Variants in LINC00632 observed in about 807,000 individuals in gnomAD.
LINC00632 encodes ALDOA related specific transcript.
chrX:140,723,903 A>G, intron 2 of LINC00632, among the ~76,000 whole-genome samples: 1 of 85,437 alleles, frequency 1.2e-5, no homozygotes, highest in South Asian at 5.4e-4. Flanking sequence ...CTCCATACAC[A>G]CACATTGCAT....
Position 140,742,839 on chromosome X carries a change from TAGAGAGAGAGAGAGAGAGAGAG to T in LINC00632, n.191+8894_191+8915del. ...GGTAAGGCCTTATGGTAGAAGGTGA[TAGAGAGAGAGAGAGAGAGAGAG>T]AGAGAGAGAGAGAGAGAGGAAGGAA... On this transcript the variant is annotated intron_variant and non_coding_transcript_variant, in intron 3 of 4. Transcript: ENST00000648200. Among the ~76,000 whole-genome samples the T allele has an allele frequency of 4.3e-5, 2 of 46,910 alleles. 1 individual carries two copies. The highest frequency in any genetic ancestry group is 3.2e-3 in the South Asian group (2 of 632). 40.7% of individuals were successfully genotyped at this position (46,910 alleles called of 115,157 possible).
At chrX:140,779,319 G>A (rs1456775996) in exon 5 of LINC00632, among the ~76,000 whole-genome samples, 1 of 111,974 alleles carries the variant, frequency 8.9e-6, no homozygotes, top group Non-Finnish European at 1.9e-5. Context: ...AATATGTTAG[G>A]AAACTTGTAT....
At chrX:140,789,605 C>T (rs1389080494) in exon 5 of LINC00632, among the ~76,000 whole-genome samples, 2 of 112,102 alleles carry the variant, frequency 1.8e-5, no homozygotes, top group South Asian at 3.6e-4. Context: ...AATTGCCCTC[C>T]TGGCATGCTG....
intron 2 of LINC00632, among the ~76,000 whole-genome samples, chrX:140,717,216 C>T (rs1957874881): frequency 9.0e-6 from 1 of 110,574 alleles, no homozygotes; most frequent in Admixed American, 9.7e-5. Flanking sequence ...CTCCTGACCC[C>T]GTGATCCACC....
intron 3 of LINC00632, among the ~76,000 whole-genome samples, chrX:140,748,973 ATAAG>A (rs1383992080): frequency 2.8e-5 from 3 of 109,083 alleles, no homozygotes; most frequent in East Asian, 2.8e-4. Context: ...AATAATAAGT[ATAAG>A]TAACTTTTTA....
At chrX:140,725,055 TACAC>T (rs766686316) in intron 2 of LINC00632, among the ~76,000 whole-genome samples, 8 of 71,068 alleles carry the variant, frequency 1.1e-4, no homozygotes, top group South Asian at 6.6e-4. Context: ...AATCATTCCA[TACAC>T]ACACAGACAC....
At chrX:140,726,481 C>A (rs992944265) in intron 2 of LINC00632, among the ~76,000 whole-genome samples, 30 of 111,841 alleles carry the variant, frequency 2.7e-4, no homozygotes, top group African/African-American at 9.7e-4. Context: ...CATAAACCCA[C>A]CCCAGAACAC....
intron 2 of LINC00632, among the ~76,000 whole-genome samples, chrX:140,721,398 G>A (rs1048503741): frequency 9.0e-6 from 1 of 111,538 alleles, no homozygotes; most frequent in Non-Finnish European, 1.9e-5. Context: ...GACTGGGGGT[G>A]AGGTGGGAGG....
chrX:140,788,913 ATGTGTG>A lies in LINC00632; in HGVS notation n.16948_16953del, dbSNP rs72149065. ...TACACATATATGTGTATATATATAT[ATGTGTG>A]TGTGTGTGTGTGTGTTTTATAGGGT... On this transcript the variant is annotated non_coding_transcript_exon_variant, in exon 5 of 5. Transcript: ENST00000648200. 4.6e-3 allele frequency among the ~76,000 whole-genome samples: 440 copies of A among 94,933 alleles called. 3 individuals are homozygous for A. The South Asian group carries it at 0.053, about 11-fold the overall frequency. 82.4% of individuals were successfully genotyped at this position (94,933 alleles called of 115,157 possible). A position where few individuals can be genotyped will look rare whatever the true frequency, so the allele number is the denominator to read the frequency against.
rs201799360 is a variant in LINC00632, at chrX:140,750,460, CAT to C, written n.191+16499_191+16500del. ...GGTAATACATATGTTAATTAGTTAA[CAT>C]ATGTAATATGTAATACATATTAAAT... On this transcript the variant is annotated intron_variant and non_coding_transcript_variant, in intron 3 of 4. Coordinates refer to ENST00000648200, the Ensembl canonical transcript of LINC00632. Among the ~76,000 whole-genome samples the C allele has an allele frequency of 7.0e-3, 775 of 110,598 alleles. 3 individuals are homozygous for C. Among genetic ancestry groups the C allele is most frequent in the Middle Eastern group, 0.019 (4 of 207 alleles).
At chrX:140,785,184 T>TA (rs1556030720) in exon 5 of LINC00632, among the ~76,000 whole-genome samples, 3 of 104,803 alleles carry the variant, frequency 2.9e-5, no homozygotes, top group African/African-American at 1.0e-4. Context: ...ATAATAATAA[T>TA]ATAATAATAA....
At chrX:140,779,339 AAAG>A (rs1931907866) in exon 5 of LINC00632, among the ~76,000 whole-genome samples, 2 of 112,478 alleles carry the variant, frequency 1.8e-5, no homozygotes, top group African/African-American at 3.2e-5. Context: ...TTACATTTAA[AAAG>A]AACTTTTTGT....
At chrX:140,775,632 A>G (rs1167342359) in exon 5 of LINC00632, among the ~76,000 whole-genome samples, 7 of 112,099 alleles carry the variant, frequency 6.2e-5, no homozygotes, top group Non-Finnish European at 1.3e-4. Flanking sequence ...ATGCACAGAA[A>G]ACCTGAATAG....
intron 3 of LINC00632, among the ~76,000 whole-genome samples, chrX:140,744,487 G>T (rs180963112): frequency 9.6e-6 from 1 of 104,007 alleles, no homozygotes; most frequent in Non-Finnish European, 1.9e-5. Context: ...TTGTGAGCTA[G>T]ATGGATGATT....
At chrX:140,719,456 G>A (rs1002240008) in intron 2 of LINC00632, among the ~76,000 whole-genome samples, 1 of 110,286 alleles carries the variant, frequency 9.1e-6, no homozygotes, top group East Asian at 2.9e-4. Flanking sequence ...GCACCACCAC[G>A]CCCAGCTAAT....
chrX:140,783,395 C>T (rs760104156), exon 5 of LINC00632: 28 of 474,571 alleles, frequency 5.9e-5, no homozygotes, highest in African/African-American at 5.2e-4. Context: ...CCAGCAATTA[C>T]TGGTCTTCCA....
chrX:140,711,727 C>T (rs986429355), intron 2 of LINC00632: 2 of 181,615 alleles, frequency 1.1e-5, no homozygotes, highest in African/African-American at 6.2e-5. Context: ...GTGGTATAAA[C>T]ATTATTTTCC....
At chrX:140,721,438 C>T (rs1417601827) in intron 2 of LINC00632, among the ~76,000 whole-genome samples, 2 of 111,603 alleles carry the variant, frequency 1.8e-5, no homozygotes, top group Non-Finnish European at 3.8e-5. Context: ...TGTTCTGCCT[C>T]AGATCATCAG....
At chrX:140,757,818 C>T (rs756617585) in intron 3 of LINC00632, among the ~76,000 whole-genome samples, 4 of 111,393 alleles carry the variant, frequency 3.6e-5, no homozygotes, top group Non-Finnish European at 7.5e-5. Flanking sequence ...CCACCCATCT[C>T]GGCCTCCCAA....
Sources: gnomAD v4.1 joint callset for allele counts (sites outside exome capture counted in the v4.1 genomes callset) on GRCh38, gnomAD v4.1.1 for gene constraint, MANE v1.5 for transcripts, NCBI Gene and HGNC (gene_info 2026-07-23, HGNC 2026-07-21) for gene names.